KNL1: variants seen among roughly 807,000 people sequenced by gnomAD.
KNL1 encodes the protein outer kinetochore KNL1 complex subunit KNL1.
KNL1 carries 66 observed loss-of-function variants against 201.3 expected under a neutral mutation model. That is an observed-to-expected ratio of 0.33 (90% CI 0.27 to 0.40). KNL1 has a LOEUF of 0.40. Among genes scored for constraint, KNL1 ranks in the 10% least tolerant of loss-of-function variants. The pLI, the probability that KNL1 is intolerant of heterozygous loss-of-function variation, is 1.00. For missense variants in KNL1, 2,815 were observed against 2,690.5 expected (o/e 1.05, Z -1.02); for synonymous variants, 895 against 899.2 (o/e 1.00, Z 0.08).
chr15:40,631,449 C>A (rs906729985), intron 13 of KNL1, among the ~76,000 whole-genome samples: 6 of 152,028 alleles, frequency 3.9e-5, no homozygotes, highest in Non-Finnish European at 7.4e-5. Context: ...TCTTTGTTGT[C>A]GTGGAGTCTA....
At position 40,622,756 on chromosome 15, in the gene KNL1, A is replaced by C. The variant is rs1892587388; in HGVS notation, c.2492A>C (p.Glu831Ala). Residue 831 changes from glutamate to alanine, a missense_variant, in exon 10 of 26, where the codon GAA becomes GCA. By Grantham distance (107) the Glu-to-Ala change is moderately radical. Coordinates refer to ENST00000399668, the MANE Select transcript of KNL1 (RefSeq NM_144508.5). ...TGTATTATGGATGTGTTAGAGGACGAAAGTGTACAGAAACCTAAATTTCCA... is the reference window on the plus strand; with the variant it reads ...TGTATTATGGATGTGTTAGAGGACGCAAGTGTACAGAAACCTAAATTTCCA... ...SNCIMDVLED[E>A]SVQKPKFPKE... 6.2e-7 allele frequency: 1 copy of C among 1,608,970 alleles called. No homozygotes were observed. Among genetic ancestry groups the C allele is most frequent in the Non-Finnish European group, 8.5e-7 (1 of 1,178,134 alleles).
intron 4 of KNL1, among the ~76,000 whole-genome samples, 198 bp downstream of exon 4, chr15:40,606,650 G>T (rs898185100): frequency 6.6e-6 from 1 of 152,172 alleles, no homozygotes; most frequent in African/African-American, 2.4e-5. Context: ...CCAGGTTGGA[G>T]TGTAGTGGCA....
intron 4 of KNL1, among the ~76,000 whole-genome samples, chr15:40,608,005 A>G (rs1364836075): frequency 2.6e-5 from 4 of 152,206 alleles, no homozygotes; most frequent in Non-Finnish European, 5.9e-5. Flanking sequence ...ACCCATGTTC[A>G]TAGCGGCATT....
intron 9 of KNL1, among the ~76,000 whole-genome samples, chr15:40,619,682 G>A (rs1892452857): frequency 1.3e-5 from 2 of 152,146 alleles, no homozygotes; most frequent in South Asian, 4.1e-4. Flanking sequence ...GGGATTACAA[G>A]TGTGAGCCAC....
At chr15:40,603,036 C>A in intron 2 of KNL1, 70 bp downstream of exon 2, 1 of 990,072 alleles carries the variant, frequency 1.0e-6, no homozygotes, top group Non-Finnish European at 1.5e-6. Context: ...ATTAGTAAGA[C>A]CTATCCATAA....
Position 40,622,160 on chromosome 15 carries a change from C to G in KNL1, c.1896C>G (p.Asn632Lys), listed in dbSNP as rs779150262. 1 of 1,614,110 alleles carries G rather than the reference C, an allele frequency of 6.2e-7. No individual in the cohort carries two copies. Among genetic ancestry groups the G allele is most frequent in the South Asian group, 1.1e-5 (1 of 91,076 alleles). ...AGCGATCAGACATAATAGCCAAAAA[C>G]AGCTTAACCGACACCTGGAACAAAG... ...PFQRSDIIAK[N>K]SLTDTWNKDK... Residue 632 changes from asparagine (N) to lysine (K), a missense_variant, in exon 10 of 26, where the codon AAC becomes AAG. By Grantham distance (94) the Asn-to-Lys change is moderately conservative. Around this residue, in one of 3 missense-constraint regions of KNL1, gnomAD observed 2,464 missense variants for 2,291.7 expected, o/e 1.08. Coordinates refer to ENST00000399668, the MANE Select transcript of KNL1 (RefSeq NM_144508.5).
Position 40,621,251 on chromosome 15 carries a change from C to T in KNL1, c.987C>T (p.Ile329=), listed in dbSNP as rs1892514704. 6.2e-7 allele frequency: 1 copy of T among 1,613,604 alleles called. No homozygotes were observed. The highest frequency in any genetic ancestry group is 8.5e-7 in the Non-Finnish European group (1 of 1,179,754). The change falls in exon 10 of 26, where the codon ATC becomes ATT. Residue 329 remains isoleucine, a synonymous_variant. Transcript: ENST00000399668. ...MDLTFNHTLQ[I]LPATGNFSEI... ...TGACATTTAACCACACTTTGCAGATCTTACCTGCAACAGGTAATTTTTCTG... is the reference window on the plus strand; with the variant it reads ...TGACATTTAACCACACTTTGCAGATTTTACCTGCAACAGGTAATTTTTCTG...
chr15:40,598,200 AAAAG>A (rs1018068647), intron 1 of KNL1, among the ~76,000 whole-genome samples: 3 of 152,052 alleles, frequency 2.0e-5, no homozygotes, highest in Non-Finnish European at 4.4e-5. Flanking sequence ...AAAAGAAAAA[AAAAG>A]AAAATATTTC....
chr15:40,660,779 G>A (rs1421835144), intron 25 of KNL1, among the ~76,000 whole-genome samples: 1 of 151,736 alleles, frequency 6.6e-6, no homozygotes, highest in African/African-American at 2.4e-5. Context: ...GAATAGCCTG[G>A]CCAACATGGC....
intron 13 of KNL1, among the ~76,000 whole-genome samples, chr15:40,639,227 A>G (rs984197947): frequency 6.7e-6 from 1 of 150,216 alleles, no homozygotes; most frequent in African/African-American, 2.5e-5. Flanking sequence ...GACCAGAGGA[A>G]GAGGATCACT....
chr15:40,622,769 A>G lies in KNL1; in HGVS notation c.2505A>G (p.Lys835=). 2 of 1,611,270 alleles carry G rather than the reference A, an allele frequency of 1.2e-6. No individual in the cohort carries two copies. The highest frequency in any genetic ancestry group is 1.7e-6 in the Non-Finnish European group (2 of 1,179,012). The change falls in exon 10 of 26, where the codon AAA becomes AAG. Residue 835 remains lysine (K), a synonymous_variant. Coordinates refer to ENST00000399668, the MANE Select transcript of KNL1 (RefSeq NM_144508.5). ...MDVLEDESVQ[K]PKFPKEKQNV... is the part of the protein sequence containing the mutation. ...TGTTAGAGGACGAAAGTGTACAGAA[A>G]CCTAAATTTCCAAAGGAAAAGCAAA... is the stretch of plus-strand genomic sequence containing the variant.
intron 8 of KNL1, 111 bp downstream of exon 8, chr15:40,615,489 G>T: frequency 5.8e-6 from 1 of 172,444 alleles, no homozygotes; most frequent in Non-Finnish European, 9.7e-6. Flanking sequence ...GCAAACAGAG[G>T]CCAGGCACGG....
At chr15:40,656,413 A>G (rs935536300) in intron 22 of KNL1, among the ~76,000 whole-genome samples, 1 of 152,058 alleles carries the variant, frequency 6.6e-6, no homozygotes, top group Non-Finnish European at 1.5e-5. Context: ...AGCCTGGGCA[A>G]TAGAGTGACA....
At chr15:40,653,169 TTTTGTTTTTATTTA>T (rs1467600419) in intron 21 of KNL1, among the ~76,000 whole-genome samples, 1 of 151,978 alleles carries the variant, frequency 6.6e-6, no homozygotes, top group Admixed American at 6.6e-5. Context: ...AAGACATGCT[TTTTGTTTTTATTTA>T]TTTATTTTTA....
chr15:40,622,601 A>G lies in KNL1; in HGVS notation c.2337A>G (p.Leu779=). The G allele has an allele frequency of 6.2e-7, 1 of 1,607,690 alleles. No homozygotes were observed. Among genetic ancestry groups the G allele is most frequent in the South Asian group, 1.1e-5 (1 of 90,224 alleles). The change falls in exon 10 of 26, where the codon CTA becomes CTG. Residue 779 remains leucine, a synonymous_variant. Coordinates refer to ENST00000399668, the MANE Select transcript of KNL1 (RefSeq NM_144508.5). ...TCATTGGATTTGGTCCTTCTGAACTACAAGAACTTGGTAAAACTAATTTAG... is the reference window on the plus strand; with the variant it reads ...TCATTGGATTTGGTCCTTCTGAACTGCAAGAACTTGGTAAAACTAATTTAG... ...TVVIGFGPSE[L]QELGKTNLEH...
At chr15:40,655,957 T>C (rs967384624) in intron 22 of KNL1, among the ~76,000 whole-genome samples, 1 of 152,044 alleles carries the variant, frequency 6.6e-6, no homozygotes, top group African/African-American at 2.4e-5. Context: ...TGAGCAATGA[T>C]TAATAGTAGC....
chr15:40,645,876 C>A, intron 16 of KNL1, 104 bp downstream of exon 16: 1 of 601,174 alleles, frequency 1.7e-6, no homozygotes, highest in Non-Finnish European at 2.7e-6. Flanking sequence ...GTGAATAAGA[C>A]TTGGGCAAAA....
In KNL1 at chr15:40,659,427, C is replaced by T. The variant is rs1368351970; in HGVS notation, c.6802C>T (p.Pro2268Ser). ...AGCCTATTATCCATCTGTACCATTA[C>T]CTTCCACCATTCAGAATCACGTTGG... Reference protein sequence around the residue: ...LSAYYPSVPLPSTIQNHVGNT... With the variant: ...LSAYYPSVPLSSTIQNHVGNT... The change falls in exon 25 of 26, where the codon CCT becomes TCT. Residue 2268 changes from proline to serine, a missense_variant. Transcript: ENST00000399668. 1.9e-6 allele frequency: 3 copies of T among 1,613,812 alleles called. No individual in the cohort carries two copies. Among genetic ancestry groups the T allele is most frequent in the East Asian group, 4.5e-5 (2 of 44,870 alleles).
chr15:40,596,305 C>T (rs753326137), intron 1 of KNL1, among the ~76,000 whole-genome samples: 3 of 152,102 alleles, frequency 2.0e-5, no homozygotes, highest in Admixed American at 1.3e-4. Flanking sequence ...GAGACGGAGT[C>T]TCGCTCTGTC....
Sources: gnomAD v4.1 joint callset for allele counts (sites outside exome capture counted in the v4.1 genomes callset) on GRCh38, gnomAD v4.1.1 for gene constraint, gnomAD v4.1.1 regional missense constraint, MANE v1.5 for transcripts, NCBI Gene and HGNC (gene_info 2026-07-23, HGNC 2026-07-21) for gene names.